WDR25: variants seen among roughly 807,000 people sequenced by gnomAD.
WDR25 encodes WD repeat-containing protein 25.
In WDR25, 35 loss-of-function variants were observed where a neutral mutation model predicts 47.7. The observed-to-expected ratio is 0.73, with a 90% CI of 0.56 to 0.97. The LOEUF is 0.97. WDR25 is among the 50% of genes least tolerant of loss of function. The pLI is 0.00. For missense variants in WDR25, 634 were observed against 704.7 expected, an observed-to-expected ratio of 0.90 and a Z score of 1.14; for synonymous variants, 248 against 278.9, an observed-to-expected ratio of 0.89 and a Z score of 1.10.
intron 1 of WDR25, among the ~76,000 whole-genome samples, chr14:100,378,138 T>C (rs1339483507): frequency 6.6e-6 from 1 of 151,762 alleles, no homozygotes; most frequent in Non-Finnish European, 1.5e-5. Flanking sequence ...TTGATAACCA[T>C]GTATTGTGTA....
Position 100,525,900 on chromosome 14 carries a change from C to G in WDR25, c.1132C>G (p.Gln378Glu). The change falls in exon 5 of 7, where the codon CAG (glutamine) becomes GAG (glutamate). Residue 378 changes from glutamine (Q) to glutamate (E), a missense_variant. Physicochemically the swap from Gln to Glu is conservative, Grantham distance 29. Transcript: ENST00000402312. The surrounding 1 kb of genome is among the most constrained non-coding windows in gnomAD (Gnocchi z 4.6). ...GAGAAGCTACAAGGCGACCATCCAG[C>G]AGACCTTGGACATCCTGTTCCTCCG... ...VMRSYKATIQQTLDILFLREG... is the reference protein window; with the variant it reads ...VMRSYKATIQETLDILFLREG... The G allele has an allele frequency of 6.2e-7, 1 of 1,613,966 alleles. No homozygotes were observed. Among genetic ancestry groups the G allele is most frequent in the Non-Finnish European group, 8.5e-7 (1 of 1,179,928 alleles).
At chr14:100,409,683 T>A (rs1479348996) in intron 2 of WDR25, among the ~76,000 whole-genome samples, 1 of 152,214 alleles carries the variant, frequency 6.6e-6, no homozygotes, top group Non-Finnish European at 1.5e-5. Context: ...GGAACAGGGA[T>A]CCCTTTAAAT....
chr14:100,392,241 A>C lies in WDR25; in HGVS notation c.822+10495A>C, dbSNP rs993741608. Among the ~76,000 whole-genome samples, 10 of 152,034 alleles carry C rather than the reference A, an allele frequency of 6.6e-5. No homozygotes were observed. The highest frequency in any genetic ancestry group is 4.1e-4 in the South Asian group (2 of 4,830). ...GTCATTTTAGACAGTGTAATTGAGGACCACAGTTTTCTTTACATCTGTAAT... is the reference window on the plus strand; with the variant it reads ...GTCATTTTAGACAGTGTAATTGAGGCCCACAGTTTTCTTTACATCTGTAAT... On this transcript the variant is annotated intron_variant, in intron 2 of 6. Coordinates refer to ENST00000402312, the MANE Select transcript of WDR25 (RefSeq NM_001161476.3). This position sits in a 1 kb window ranked among gnomAD's most constrained non-coding sequence, Gnocchi z 4.2.
intron 2 of WDR25, among the ~76,000 whole-genome samples, chr14:100,417,852 C>T (rs1325173988): frequency 2.0e-5 from 3 of 152,150 alleles, no homozygotes; most frequent in Non-Finnish European, 4.4e-5. Flanking sequence ...GCGTGTCATG[C>T]TGCCCCTGTT....
rs1001260892 is a variant in WDR25, at chr14:100,529,663, C to T, written c.1414-157C>T. On this transcript the variant is annotated intron_variant, in intron 6 of 6. Transcript: ENST00000402312. This position sits in a 1 kb window ranked among gnomAD's most constrained non-coding sequence, Gnocchi z 5.1. ...GGCCCGCATCAGGGCTCTACAGCCT[C>T]ATGGGCGGGACCTGGGCTTTGGCCT... The T allele has an allele frequency of 1.2e-6, 1 of 810,500 alleles. No homozygotes were observed. The highest frequency in any genetic ancestry group is 1.9e-6 in the Non-Finnish European group (1 of 524,214). 50.2% of individuals were successfully genotyped at this position (810,500 alleles called of 1,614,324 possible). A position where few individuals can be genotyped will look rare whatever the true frequency, so the allele number is the denominator to read the frequency against.
chr14:100,445,856 C>T (rs1161127126), intron 2 of WDR25, among the ~76,000 whole-genome samples: 1 of 152,176 alleles, frequency 6.6e-6, no homozygotes, highest in African/African-American at 2.4e-5. Flanking sequence ...AGCCCATTTC[C>T]ACCACAGTTG....
At chr14:100,413,072 C>T (rs1595513195) in intron 2 of WDR25, among the ~76,000 whole-genome samples, 1 of 152,210 alleles carries the variant, frequency 6.6e-6, no homozygotes, top group East Asian at 1.9e-4. Flanking sequence ...TCAAGTGATC[C>T]ACCTGCCTTG....
intron 5 of WDR25, among the ~76,000 whole-genome samples, chr14:100,526,398 A>G (rs896278408): frequency 6.6e-6 from 1 of 152,174 alleles, no homozygotes; most frequent in African/African-American, 2.4e-5. Context: ...CCTCAGTGGC[A>G]TTGGCAGTTG....
intron 4 of WDR25, among the ~76,000 whole-genome samples, chr14:100,492,438 T>C (rs1195652706): frequency 6.6e-6 from 1 of 152,206 alleles, no homozygotes; most frequent in Admixed American, 6.5e-5. Context: ...GGGAGGCCCA[T>C]GGCACTCAAG....
rs116063985 is a variant in WDR25 at position 100,408,071 on chromosome 14, C to T, written c.822+26325C>T. Among the ~76,000 whole-genome samples, 1,015 of 151,974 alleles carry T rather than the reference C, an allele frequency of 6.7e-3. 11 individuals carry two copies. Among genetic ancestry groups the T allele is most frequent in the African/African-American group, 0.023 (966 of 41,416 alleles). ...TGTGGTGATGGTAATGGCCTATAGT[C>T]GTGGGGGCTTGGGGACTTCTGAGGG... is the stretch of plus-strand genomic sequence containing the variant. On this transcript the variant is annotated intron_variant, in intron 2 of 6. Coordinates refer to ENST00000402312, the MANE Select transcript of WDR25 (RefSeq NM_001161476.3).
At chr14:100,509,322 T>G (rs1282252684) in intron 4 of WDR25, among the ~76,000 whole-genome samples, 1 of 152,222 alleles carries the variant, frequency 6.6e-6, no homozygotes, top group Non-Finnish European at 1.5e-5. Flanking sequence ...TCTAAGGAAT[T>G]TTTCCATTTT....
intron 2 of WDR25, among the ~76,000 whole-genome samples, chr14:100,451,699 G>A (rs1000853024): frequency 2.0e-5 from 3 of 151,956 alleles, no homozygotes; most frequent in Admixed American, 1.3e-4. Flanking sequence ...TTCTTGTGGT[G>A]CCAGAGAGGT....
chr14:100,491,770 C>G (rs1900574304), intron 4 of WDR25, among the ~76,000 whole-genome samples: 1 of 152,230 alleles, frequency 6.6e-6, no homozygotes, highest in South Asian at 2.1e-4. Context: ...CTGCCATGTG[C>G]AGCTCCGTGC....
intron 2 of WDR25, among the ~76,000 whole-genome samples, chr14:100,382,581 T>A (rs76258505): frequency 6.6e-6 from 1 of 152,118 alleles, no homozygotes; most frequent in African/African-American, 2.4e-5. Flanking sequence ...AGTAATGTAG[T>A]CCCCCAGTAT....
At chr14:100,456,577 A>G (rs554702497) in intron 2 of WDR25, among the ~76,000 whole-genome samples, 5 of 152,220 alleles carry the variant, frequency 3.3e-5, no homozygotes, top group Non-Finnish European at 7.3e-5. Flanking sequence ...TCCAAACTGG[A>G]CTTCTAGAGA....
intron 4 of WDR25, among the ~76,000 whole-genome samples, chr14:100,522,401 G>A (rs1595171996): frequency 6.6e-6 from 1 of 152,154 alleles, no homozygotes; most frequent in East Asian, 1.9e-4. Context: ...GTAAATGTCA[G>A]TTGCTTTTGA....
chr14:100,526,229 C>T (rs1374759930), intron 5 of WDR25, among the ~76,000 whole-genome samples, 189 bp downstream of exon 5: 1 of 152,162 alleles, frequency 6.6e-6, no homozygotes, highest in Non-Finnish European at 1.5e-5. Context: ...CCAGATGCAA[C>T]CTCCTTCTGC....
At chr14:100,391,123 T>TA (rs1419189409) in intron 2 of WDR25, among the ~76,000 whole-genome samples, 3 of 152,344 alleles carry the variant, frequency 2.0e-5, no homozygotes, top group East Asian at 3.9e-4. Context: ...TATTTTTTTT[T>TA]AACAGAGAAA....
intron 4 of WDR25, among the ~76,000 whole-genome samples, chr14:100,503,319 G>T (rs903883075): frequency 6.6e-6 from 1 of 152,112 alleles, no homozygotes; most frequent in East Asian, 1.9e-4. Flanking sequence ...AAAGGGAAAG[G>T]TGTCCTCCCC....
Sources: allele counts gnomAD v4.1 joint callset (sites outside exome capture counted in the v4.1 genomes callset), GRCh38; gene constraint gnomAD v4.1.1; non-coding constraint Gnocchi (gnomAD v3.1); transcripts MANE v1.5; gene names NCBI Gene and HGNC (gene_info 2026-07-23, HGNC 2026-07-21).